MMP2: variants seen among roughly 807,000 people sequenced by gnomAD.
The protein encoded by MMP2 is matrix metallopeptidase 2, also known as 72 kDa type IV collagenase.
A neutral mutation model predicts 74.8 loss-of-function variants in MMP2; 39 were observed. That is an observed-to-expected ratio of 0.52 (90% confidence interval 0.40 to 0.68). MMP2 has a LOEUF of 0.68. Among genes scored for constraint, MMP2 ranks in the 30% least tolerant of loss-of-function variants. The pLI is 0.00. For synonymous variants in MMP2, 367 were observed against 339.8 expected (o/e 1.08, Z -0.88); for missense variants, 803 against 878.3 (o/e 0.91, Z 1.08).
chr16:55,485,858 C>A, intron 5 of MMP2, 81 bp downstream of exon 5: 1 of 1,468,862 alleles, frequency 6.8e-7, no homozygotes, highest in South Asian at 1.1e-5. Context: ...CTTCCCTCCA[C>A]ACTCTCCAGG....
intron 7 of MMP2, among the ~76,000 whole-genome samples, chr16:55,490,765 T>C (rs569918940): frequency 1.3e-5 from 2 of 152,324 alleles, no homozygotes; most frequent in East Asian, 3.9e-4. Flanking sequence ...GCTAAATTCC[T>C]TGCTAGGACA....
intron 6 of MMP2, 62 bp downstream of exon 6, chr16:55,488,778 C>A (rs1438135639): frequency 8.2e-6 from 12 of 1,465,744 alleles, no homozygotes; most frequent in African/African-American, 5.7e-5. Flanking sequence ...AAAAAAAAAA[C>A]CCATAAGACT....
chr16:55,491,604 T>C (rs1454867296), intron 7 of MMP2, among the ~76,000 whole-genome samples, 197 bp from the exon 8 acceptor site: 1 of 151,910 alleles, frequency 6.6e-6, no homozygotes, highest in Non-Finnish European at 1.5e-5. Context: ...TTGGAAACAA[T>C]AGGCACTAAT....
At chr16:55,489,614 C>G (rs1567376574) in intron 6 of MMP2, 37 bp from the exon 7 acceptor site, 1 of 1,612,144 alleles carries the variant, frequency 6.2e-7, no homozygotes, top group Non-Finnish European at 8.5e-7. Context: ...GCCTCAGACT[C>G]TTTGCTGCGC....
At chr16:55,502,729 A>C (rs746862303) in intron 11 of MMP2, 50 bp from the exon 12 acceptor site, 3 of 1,519,722 alleles carry the variant, frequency 2.0e-6, no homozygotes, top group East Asian at 2.2e-5. Context: ...CCAGGGGGGA[A>C]GTGTCCTTTA....
Position 55,484,108 on chromosome 16 carries a change from G to T in MMP2, c.473G>T (p.Arg158Leu). The change falls in exon 3 of 13, where the codon CGG (arginine) becomes CTG (leucine). Residue 158 changes from arginine to leucine, a missense_variant. Transcript: ENST00000219070. Reference sequence around the variant, plus strand: ...GTCTGGAGCGATGTGACCCCACTGCGGTTTTCTCGAATCCATGATGGAGAG... The same window carrying T: ...GTCTGGAGCGATGTGACCCCACTGCTGTTTTCTCGAATCCATGATGGAGAG... The part of the protein sequence containing the change: ...FQVWSDVTPL[R>L]FSRIHDGEAD... The T allele has an allele frequency of 6.2e-7, 1 of 1,614,172 alleles. No individual in the cohort carries two copies. Among genetic ancestry groups the T allele is most frequent in the South Asian group, 1.1e-5 (1 of 91,084 alleles).
At chr16:55,505,198 T>C in intron 12 of MMP2, 141 bp from the exon 13 acceptor site, 3 of 795,498 alleles carry the variant, frequency 3.8e-6, no homozygotes, top group South Asian at 1.4e-5. Flanking sequence ...CAAGCAATCC[T>C]CCTGCCTCAG....
chr16:55,487,340 A>T (rs1962283634), intron 5 of MMP2: 1 of 152,372 alleles, frequency 6.6e-6, no homozygotes, highest in South Asian at 2.1e-4. Flanking sequence ...GGGAGGAGAC[A>T]GGGGCTTCCT....
At chr16:55,495,060 C>G (rs1169084232) in intron 9 of MMP2, among the ~76,000 whole-genome samples, 1 of 152,176 alleles carries the variant, frequency 6.6e-6, no homozygotes, top group African/African-American at 2.4e-5. Flanking sequence ...GTGCAGATGC[C>G]TTGCCCTTCA....
At position 55,505,641 on chromosome 16, in the gene MMP2, C is replaced by A. The variant is rs1052145936; in HGVS notation, c.*199C>A. 18 of 612,518 alleles carry A rather than the reference C, an allele frequency of 2.9e-5. No individual in the cohort carries two copies. The highest frequency in any genetic ancestry group is 4.7e-5 in the Non-Finnish European group (16 of 342,596). 37.9% of individuals were successfully genotyped at this position (612,518 alleles called of 1,614,324 possible). Reference sequence around the variant, plus strand: ...CCCAAGAATAGATGCTGACTGTACTCCTCCCAGGCGCCCCTTCCCCCTCCA... The same window carrying A: ...CCCAAGAATAGATGCTGACTGTACTACTCCCAGGCGCCCCTTCCCCCTCCA... On this transcript the variant is annotated 3_prime_UTR_variant, in exon 13 of 13. Coordinates refer to ENST00000219070, the MANE Select transcript of MMP2 (RefSeq NM_004530.6).
rs377500874 is a variant in MMP2 at position 55,498,353 on chromosome 16, C to A, written c.1674C>A (p.Ser558Arg). The change falls in exon 11 of 13, where the codon AGC becomes AGA. Residue 558 changes from serine to arginine, a missense_variant. Around this residue, in one of 3 missense-constraint regions of MMP2, gnomAD observed 555 missense variants for 592.0 expected, o/e 0.94. Transcript: ENST00000219070. ...GAGGGTACCCCAAGCCACTGACCAG[C>A]CTGGGACTGCCCCCTGATGTCCAGC... is the stretch of plus-strand genomic sequence containing the variant. ...LERGYPKPLTSLGLPPDVQRV... is the reference protein window; with the variant it reads ...LERGYPKPLTRLGLPPDVQRV... 3 of 1,614,142 alleles carry A rather than the reference C, an allele frequency of 1.9e-6. No individual in the cohort carries two copies. Among genetic ancestry groups the A allele is most frequent in the African/African-American group, 2.7e-5 (2 of 74,954 alleles).
In MMP2 at chr16:55,482,979, A is replaced by T. The variant is rs779750714; in HGVS notation, c.224A>T (p.Lys75Met). Residue 75 changes from lysine to methionine, a missense_variant, in exon 2 of 13, where the codon AAG becomes ATG. This residue lies in a region of MMP2 where 223 missense variants were observed against 232.8 expected (regional missense o/e 0.96). Transcript: ENST00000219070. Reference sequence around the variant, plus strand: ...CTGTTTGTGCTGAAGGACACACTAAAGAAGATGCAGAAGTTCTTTGGACTG... The same window carrying T: ...CTGTTTGTGCTGAAGGACACACTAATGAAGATGCAGAAGTTCTTTGGACTG... ...CNLFVLKDTL[K>M]KMQKFFGLPQ... 2.8e-5 allele frequency: 46 copies of T among 1,614,104 alleles called. 1 individual carries two copies. In the South Asian group the frequency reaches 5.1e-4, roughly 18 times the overall value.
rs1420798529 is a variant in MMP2, at chr16:55,505,820, C to G, written c.*378C>G. On this transcript the variant is annotated 3_prime_UTR_variant, in exon 13 of 13. Coordinates refer to ENST00000219070, the MANE Select transcript of MMP2 (RefSeq NM_004530.6). Reference sequence around the variant, plus strand: ...AACCCTTGGAGCCAATGGAGACTGTCTCAAGAGGGCACTGGTGGCCCGACA... The same window carrying G: ...AACCCTTGGAGCCAATGGAGACTGTGTCAAGAGGGCACTGGTGGCCCGACA... 3.1e-6 allele frequency: 1 copy of G among 320,648 alleles called. No homozygotes were observed. Among genetic ancestry groups the G allele is most frequent in the African/African-American group, 2.1e-5 (1 of 46,866 alleles). 19.9% of individuals were successfully genotyped at this position (320,648 alleles called of 1,614,324 possible).
intron 5 of MMP2, 187 bp from the exon 6 acceptor site, chr16:55,488,356 C>G: frequency 1.6e-6 from 1 of 637,594 alleles, no homozygotes; most frequent in Non-Finnish European, 2.8e-6. Flanking sequence ...TTGGGATAAC[C>G]AGGGAAGCAG....
chr16:55,498,515 G>C, intron 11 of MMP2, 67 bp downstream of exon 11: 1 of 1,609,006 alleles, frequency 6.2e-7, no homozygotes, highest in East Asian at 2.2e-5. Context: ...CCGCCCTGAG[G>C]CTTCAAGCCT....
intron 9 of MMP2, among the ~76,000 whole-genome samples, chr16:55,495,200 T>C (rs1317896128): frequency 6.6e-6 from 1 of 152,224 alleles, no homozygotes; most frequent in Non-Finnish European, 1.5e-5. Flanking sequence ...ATGTCAGCAC[T>C]GCTCTGCAGT....
intron 5 of MMP2, chr16:55,486,746 A>G (rs563102075): frequency 6.6e-6 from 1 of 152,300 alleles, no homozygotes; most frequent in South Asian, 2.1e-4. Context: ...GCGAAAATGG[A>G]AAAAAGTCTA....
intron 7 of MMP2, among the ~76,000 whole-genome samples, chr16:55,491,302 G>A (rs1476255523): frequency 6.6e-6 from 1 of 152,114 alleles, no homozygotes. Context: ...CTGTGGCTCA[G>A]CCTGTGCAAC....
chr16:55,481,757 CA>C (rs1962109203), intron 1 of MMP2: 2 of 701,810 alleles, frequency 2.8e-6, no homozygotes, highest in African/African-American at 3.5e-5. Flanking sequence ...GTGCATGAAC[CA>C]ACCAGCTGGC....
Sources: gnomAD v4.1 joint callset for allele counts (sites outside exome capture counted in the v4.1 genomes callset) on GRCh38, gnomAD v4.1.1 for gene constraint, gnomAD v4.1.1 regional missense constraint, MANE v1.5 for transcripts, NCBI Gene and HGNC (gene_info 2026-07-23, HGNC 2026-07-21) for gene names.